The following CUL4A variants were observed in gnomAD, a reference collection of about 807,000 sequenced individuals.
The protein encoded by CUL4A is cullin 4A, also known as cullin-4A.
In CUL4A, 16 loss-of-function variants were observed where a neutral mutation model predicts 95.5. That is an observed-to-expected ratio of 0.17 (90% CI 0.11 to 0.25). CUL4A has a LOEUF of 0.25. Among genes scored for constraint, CUL4A ranks in the 10% least tolerant of loss-of-function variants. The probability of loss-of-function intolerance (pLI) is 1.00; values close to 1 mark genes in which losing one functional copy is unlikely to be tolerated. For missense variants in CUL4A, 610 were observed against 937.0 expected (o/e 0.65, Z 4.56); for synonymous variants, 380 against 353.1 (o/e 1.08, Z -0.85).
rs1452015786 is a variant in CUL4A, at chr13:113,242,957, T to G, written c.1036-11T>G. 6.3e-7 allele frequency: 1 copy of G among 1,595,240 alleles called. No individual in the cohort carries two copies. The highest frequency in any genetic ancestry group is 1.3e-5 in the African/African-American group (1 of 74,604). On this transcript the variant is annotated splice_polypyrimidine_tract_variant and intron_variant, in intron 10 of 19. Transcript: ENST00000375440. ...ACATGTTGCTGAGTTGGTATTGATT[T>G]GCTTTTGTAGACTTTTGGAACAGCG...
At chr13:113,255,715 C>T (rs762829397) in intron 18 of CUL4A, among the ~76,000 whole-genome samples, 76 of 152,262 alleles carry the variant, frequency 5.0e-4, no homozygotes, top group Non-Finnish European at 1.0e-4. Flanking sequence ...TTGAGGTTCA[C>T]CGTGTCTTTT....
At chr13:113,224,679 C>T (rs984928835) in intron 3 of CUL4A, among the ~76,000 whole-genome samples, 8 of 152,254 alleles carry the variant, frequency 5.3e-5, no homozygotes, top group African/African-American at 1.4e-4. Context: ...ATATCGTGTA[C>T]GGAGCACTTG....
At chr13:113,227,833 A>C in intron 3 of CUL4A, 143 bp from the exon 4 acceptor site, 1 of 480,574 alleles carries the variant, frequency 2.1e-6, no homozygotes, top group Non-Finnish European at 3.8e-6. Context: ...TGAACCTGGG[A>C]GGCAGAGGCT....
At chr13:113,208,390 C>T (rs2040108403), upstream of CUL4A, 1 of 1,440,688 alleles carries the variant, frequency 6.9e-7, no homozygotes, top group Non-Finnish European at 9.1e-7. Context: ...CGCCCGGCCC[C>T]CACGGCGGCC....
chr13:113,230,595 G>A (rs1387925540), intron 5 of CUL4A, among the ~76,000 whole-genome samples: 1 of 152,104 alleles, frequency 6.6e-6, no homozygotes, highest in Non-Finnish European at 1.5e-5. Flanking sequence ...AGATTATTTA[G>A]CATTTGCTCT....
intron 2 of CUL4A, among the ~76,000 whole-genome samples, chr13:113,211,010 T>C (rs1231208140): frequency 6.6e-6 from 1 of 152,168 alleles, no homozygotes; most frequent in Non-Finnish European, 1.5e-5. Flanking sequence ...TTCAGGAAGT[T>C]TTAACAGATG....
intron 2 of CUL4A, among the ~76,000 whole-genome samples, chr13:113,214,161 T>C (rs889458677): frequency 6.6e-6 from 1 of 152,224 alleles, no homozygotes; most frequent in Non-Finnish European, 1.5e-5. Flanking sequence ...ACTCTCCCTC[T>C]ACGTCTAAAC....
At chr13:113,213,337 C>A (rs559795486) in intron 2 of CUL4A, among the ~76,000 whole-genome samples, 1 of 152,286 alleles carries the variant, frequency 6.6e-6, no homozygotes, top group East Asian at 1.9e-4. Context: ...GCAGTTGGGG[C>A]CTGTTTGTCT....
intron 3 of CUL4A, among the ~76,000 whole-genome samples, chr13:113,225,277 A>T (rs572345816): frequency 6.6e-6 from 1 of 152,294 alleles, no homozygotes; most frequent in East Asian, 1.9e-4. Flanking sequence ...TCCTGGAATT[A>T]CTTGCACACC....
chr13:113,247,497 A>G (rs1385275882), intron 15 of CUL4A, among the ~76,000 whole-genome samples: 1 of 152,200 alleles, frequency 6.6e-6, no homozygotes, highest in Non-Finnish European at 1.5e-5. Context: ...ATCCTACACA[A>G]AAGGGCATGG....
At chr13:113,215,844 GC>G (rs2040660369) in intron 2 of CUL4A, among the ~76,000 whole-genome samples, 2 of 119,268 alleles carry the variant, frequency 1.7e-5, no homozygotes. Context: ...TGTGGAGGTC[GC>G]TGTGTGACTA....
chr13:113,209,524 G>T (rs2040254264), upstream of CUL4A: 2 of 665,888 alleles, frequency 3.0e-6, no homozygotes, highest in Non-Finnish European at 3.7e-6. Context: ...GCGGGGCGGG[G>T]CGCGCGAGGA....
chr13:113,240,193 AAGGGG>A (rs1259224063), intron 10 of CUL4A, among the ~76,000 whole-genome samples: 12 of 152,192 alleles, frequency 7.9e-5, no homozygotes, highest in Non-Finnish European at 1.5e-4. Context: ...CCACCCCACC[AAGGGG>A]ACATTTGTTG....
chr13:113,218,628 C>T (rs1228947972), intron 2 of CUL4A, among the ~76,000 whole-genome samples: 1 of 152,316 alleles, frequency 6.6e-6, no homozygotes, highest in East Asian at 1.9e-4. Flanking sequence ...TTGAGAAGTC[C>T]CAAGTGACTG....
At chr13:113,252,336 G>A (rs2042015973) in intron 15 of CUL4A, among the ~76,000 whole-genome samples, 1 of 152,096 alleles carries the variant, frequency 6.6e-6, no homozygotes, top group African/African-American at 2.4e-5. Context: ...AGGATTTCAA[G>A]ACCAGCCTGG....
intron 15 of CUL4A, among the ~76,000 whole-genome samples, chr13:113,246,949 A>C (rs950424832): frequency 6.6e-6 from 1 of 152,186 alleles, no homozygotes; most frequent in Non-Finnish European, 1.5e-5. Context: ...GGGCTGGGTA[A>C]TTTGTAAAGA....
chr13:113,216,065 G>A (rs2040677065), intron 2 of CUL4A, among the ~76,000 whole-genome samples: 1 of 150,902 alleles, frequency 6.6e-6, no homozygotes, highest in African/African-American at 2.4e-5. Flanking sequence ...GGCTGTGGAG[G>A]TCTTTGTGTG....
rs574804201 is a variant in CUL4A at position 113,210,203 on chromosome 13, G to C, written c.264+115G>C. ...TCGCCGGGGAGCGGAAAGGCAGGGCGTTTGCCTCCACTGCAGGGCCGGGAG... is the reference window on the plus strand; with the variant it reads ...TCGCCGGGGAGCGGAAAGGCAGGGCCTTTGCCTCCACTGCAGGGCCGGGAG... On this transcript the variant is annotated intron_variant, in intron 2 of 19. Coordinates refer to ENST00000375440, the MANE Select transcript of CUL4A (RefSeq NM_001008895.4). 3.1e-5 allele frequency: 20 copies of C among 638,982 alleles called. No homozygotes were observed. In the African/African-American group the frequency reaches 3.9e-4, roughly 13 times the overall value. The allele number at this position is 638,982 out of a possible 1,614,324, so 39.6% of individuals were successfully genotyped here.
chr13:113,231,550 A>G (rs375301855), intron 5 of CUL4A, among the ~76,000 whole-genome samples: 9 of 152,298 alleles, frequency 5.9e-5, no homozygotes, highest in African/African-American at 2.2e-4. Context: ...GAGTCACACA[A>G]GTGGAGACCT....
Sources: allele counts gnomAD v4.1 joint callset (sites outside exome capture counted in the v4.1 genomes callset), GRCh38; gene constraint gnomAD v4.1.1; transcripts MANE v1.5; gene names NCBI Gene and HGNC (gene_info 2026-07-23, HGNC 2026-07-21).